CDH12: variants seen among roughly 807,000 people sequenced by gnomAD.
The protein encoded by CDH12 is cadherin-12.
Under a neutral mutation model 74.1 loss-of-function variants are expected in CDH12, and 41 were observed. The ratio of observed to expected loss-of-function variants is 0.55; its 90% CI spans 0.43 to 0.72. CDH12 has a LOEUF of 0.72. Ranked by LOEUF, CDH12 falls within the 30% of genes least tolerant of loss-of-function variation. The probability of loss-of-function intolerance (pLI) is 0.00; values close to 1 mark genes in which losing one functional copy is unlikely to be tolerated. For missense variants in CDH12, 945 were observed against 977.2 expected (o/e 0.97, Z 0.44); for synonymous variants, 399 against 355.0 (o/e 1.12, Z -1.39).
intron 5 of CDH12, among the ~76,000 whole-genome samples, chr5:22,059,347 C>T (rs1741012206): frequency 8.6e-6 from 1 of 116,696 alleles, no homozygotes; most frequent in African/African-American, 3.5e-5. Context: ...ATCTATCTAT[C>T]TATCTATCTA....
At chr5:22,060,133 AAAG>A (rs1741086469) in intron 5 of CDH12, among the ~76,000 whole-genome samples, 1 of 152,244 alleles carries the variant, frequency 6.6e-6, no homozygotes, top group East Asian at 1.9e-4. Context: ...TGCAAACAAA[AAAG>A]AAGAACAAAG....
intron 1 of CDH12, among the ~76,000 whole-genome samples, chr5:22,802,119 A>ATTT (rs397883677): frequency 7.3e-5 from 9 of 123,560 alleles, no homozygotes; most frequent in African/African-American, 9.2e-5. Context: ...TTAAATTCGT[A>ATTT]TTTTTTTTTT....
intron 1 of CDH12, among the ~76,000 whole-genome samples, chr5:22,581,116 G>A (rs1740076264): frequency 6.6e-6 from 1 of 152,182 alleles, no homozygotes; most frequent in South Asian, 2.1e-4. Flanking sequence ...TATGTCACAA[G>A]GAGTCAAATA....
intron 1 of CDH12, among the ~76,000 whole-genome samples, chr5:22,621,043 T>C (rs944764326): frequency 2.0e-5 from 3 of 152,196 alleles, no homozygotes; most frequent in African/African-American, 7.2e-5. Context: ...TTTGCGGACT[T>C]GCATTTACTT....
At chr5:22,446,038 C>A (rs2126551332) in intron 2 of CDH12, among the ~76,000 whole-genome samples, 1 of 152,240 alleles carries the variant, frequency 6.6e-6, no homozygotes, top group South Asian at 2.1e-4. Context: ...CACTCACTCA[C>A]TCTTAGTTTT....
Position 22,336,126 on chromosome 5 carries a change from T to A in CDH12, c.-333+69131A>T, listed in dbSNP as rs144263451. Among the ~76,000 whole-genome samples the A allele has an allele frequency of 6.0e-4, 92 of 152,308 alleles. No individual in the cohort carries two copies. The East Asian group carries it at 0.016, about 27-fold the overall frequency. On this transcript the variant is annotated intron_variant, in intron 3 of 14. Transcript: ENST00000382254. ...GACTGGTGGCATTTTGCCCCTGTCCTAGAGATTTGTGAAACTTTGAACTTG... is the reference window on the plus strand; with the variant it reads ...GACTGGTGGCATTTTGCCCCTGTCCAAGAGATTTGTGAAACTTTGAACTTG...
chr5:22,480,459 C>A (rs1377589375), intron 2 of CDH12, among the ~76,000 whole-genome samples: 1 of 151,706 alleles, frequency 6.6e-6, no homozygotes, highest in Non-Finnish European at 1.5e-5. Flanking sequence ...TGGTGCATGC[C>A]TGTGGTCCCA....
intron 1 of CDH12, among the ~76,000 whole-genome samples, chr5:22,808,578 T>G (rs1748937987): frequency 6.6e-6 from 1 of 151,130 alleles, no homozygotes; most frequent in Non-Finnish European, 1.5e-5. Flanking sequence ...ATCATAAACT[T>G]GCATAGATTT....
At chr5:22,107,430 C>G (rs565608121) in intron 4 of CDH12, among the ~76,000 whole-genome samples, 2 of 135,568 alleles carry the variant, frequency 1.5e-5, no homozygotes, top group South Asian at 4.6e-4. Context: ...CGTGCTGGGC[C>G]TTCTGCTCTT....
Position 21,888,099 on chromosome 5 carries a change from G to A in CDH12, c.527-33309C>T, listed in dbSNP as rs112021966. Among the ~76,000 whole-genome samples, 669 of 152,176 alleles carry A rather than the reference G, an allele frequency of 4.4e-3. 6 individuals are homozygous for A. Among genetic ancestry groups the A allele is most frequent in the African/African-American group, 0.015 (623 of 41,512 alleles). On this transcript the variant is annotated intron_variant, in intron 6 of 14. Coordinates refer to ENST00000382254, the MANE Select transcript of CDH12 (RefSeq NM_004061.5). ...AGACTGCTACATTAGCCGGGCCTGG[G>A]GTAGTAACATGCAGGCAAAAAATTT...
intron 1 of CDH12, among the ~76,000 whole-genome samples, chr5:22,606,431 G>A (rs1450881546): frequency 6.6e-6 from 1 of 152,138 alleles, no homozygotes; most frequent in African/African-American, 2.4e-5. Context: ...ATGTCAAGGG[G>A]ATTATCCTAG....
At chr5:22,022,481 C>T (rs1281849243) in intron 5 of CDH12, among the ~76,000 whole-genome samples, 1 of 152,066 alleles carries the variant, frequency 6.6e-6, no homozygotes, top group Non-Finnish European at 1.5e-5. Flanking sequence ...GTCAATTAAA[C>T]TTCTTTTTTT....
At chr5:22,160,773 C>T (rs2150318664) in intron 4 of CDH12, among the ~76,000 whole-genome samples, 1 of 152,184 alleles carries the variant, frequency 6.6e-6, no homozygotes, top group Non-Finnish European at 1.5e-5. Context: ...ATTATAAGGG[C>T]ACTAATCCTA....
rs185102318 is a variant in CDH12 at position 21,945,178 on chromosome 5, A to C, written c.526+29913T>G. Among the ~76,000 whole-genome samples the C allele has an allele frequency of 4.4e-3, 666 of 152,208 alleles. 4 individuals are homozygous for C. Among genetic ancestry groups the C allele is most frequent in the African/African-American group, 0.015 (615 of 41,548 alleles). The stretch of plus-strand genomic sequence containing the variant: ...AGTGGCTCACACCTGTAATCCCAGC[A>C]CTGTGGGAGGCCAAGATGGGTGGAT... On this transcript the variant is annotated intron_variant, in intron 6 of 14. Coordinates refer to ENST00000382254, the MANE Select transcript of CDH12 (RefSeq NM_004061.5).
intron 4 of CDH12, among the ~76,000 whole-genome samples, chr5:22,116,506 G>A (rs1745114266): frequency 6.6e-6 from 1 of 152,230 alleles, no homozygotes; most frequent in Non-Finnish European, 1.5e-5. Context: ...TCAGGTGGCT[G>A]AGGCAGGAGA....
intron 2 of CDH12, among the ~76,000 whole-genome samples, chr5:22,431,626 A>G (rs184047332): frequency 6.6e-6 from 1 of 152,356 alleles, no homozygotes; most frequent in East Asian, 1.9e-4. Context: ...TGTTATCATA[A>G]GAGATGACAA....
intron 8 of CDH12, among the ~76,000 whole-genome samples, chr5:21,831,510 G>A (rs1404405958): frequency 2.0e-5 from 3 of 152,192 alleles, no homozygotes; most frequent in Admixed American, 1.3e-4. Context: ...GAAGTGGCAA[G>A]TGTACCACCT....
chr5:22,752,008 G>T (rs1227690347), intron 1 of CDH12, among the ~76,000 whole-genome samples: 6 of 152,106 alleles, frequency 3.9e-5, no homozygotes, highest in African/African-American at 9.7e-5. Flanking sequence ...TGAGCTCACA[G>T]ATGCCGTATA....
intron 8 of CDH12, among the ~76,000 whole-genome samples, chr5:21,836,095 G>A (rs1303379656): frequency 6.6e-6 from 1 of 151,680 alleles, no homozygotes; most frequent in African/African-American, 2.4e-5. Flanking sequence ...TCTGGCTGAT[G>A]CTTTTACTAC....
Sources: gnomAD v4.1 joint callset for allele counts (sites outside exome capture counted in the v4.1 genomes callset) on GRCh38, gnomAD v4.1.1 for gene constraint, MANE v1.5 for transcripts, NCBI Gene and HGNC (gene_info 2026-07-23, HGNC 2026-07-21) for gene names.